The following BRD1 variants were observed in gnomAD, a reference collection of about 807,000 sequenced individuals.
BRD1 encodes the protein bromodomain-containing protein 1.
Under a neutral mutation model 107.7 loss-of-function variants are expected in BRD1, and 24 were observed. The ratio of observed to expected loss-of-function variants is 0.22; its 90% CI spans 0.16 to 0.31. BRD1 has a LOEUF of 0.31. BRD1 is among the 10% of genes least tolerant of loss of function. The pLI is 1.00. For missense variants in BRD1, 1,279 were observed against 1,638.6 expected, an observed-to-expected ratio of 0.78 and a Z score of 3.79; for synonymous variants, 744 against 686.1, an observed-to-expected ratio of 1.08 and a Z score of -1.32.
intron 6 of BRD1, among the ~76,000 whole-genome samples, chr22:49,795,159 G>A (rs1457898436): frequency 6.6e-6 from 1 of 152,168 alleles, no homozygotes; most frequent in South Asian, 2.1e-4. Flanking sequence ...ACATCACTCT[G>A]AACAAATGTC....
intron 2 of BRD1, among the ~76,000 whole-genome samples, chr22:49,822,470 A>G (rs1360995128): frequency 2.7e-5 from 4 of 150,742 alleles, no homozygotes; most frequent in Non-Finnish European, 4.4e-5. Context: ...CACTTTGGGA[A>G]GCCAAGGCGG....
chr22:49,778,213 C>T (rs1445916117), intron 8 of BRD1, among the ~76,000 whole-genome samples: 4 of 152,144 alleles, frequency 2.6e-5, no homozygotes, highest in Admixed American at 1.3e-4. Flanking sequence ...CGCGTTTGAA[C>T]GGAAACTTCA....
chr22:49,774,939 C>A (rs1017686474), intron 12 of BRD1, among the ~76,000 whole-genome samples: 2 of 152,252 alleles, frequency 1.3e-5, no homozygotes, highest in African/African-American at 2.4e-5. Flanking sequence ...AGCCCCTGCG[C>A]CAGGTCCCAA....
chr22:49,788,465 C>T (rs1268253753), intron 7 of BRD1, among the ~76,000 whole-genome samples: 1 of 152,120 alleles, frequency 6.6e-6, no homozygotes, highest in Non-Finnish European at 1.5e-5. Flanking sequence ...AAGTCCGTGC[C>T]ACGTTCCCAA....
At chr22:49,788,757 A>G (rs944759896) in intron 7 of BRD1, among the ~76,000 whole-genome samples, 1 of 152,198 alleles carries the variant, frequency 6.6e-6, no homozygotes, top group Non-Finnish European at 1.5e-5. Context: ...CTTCCTTCCA[A>G]GCAGGACCGG....
chr22:49,775,905 G>C (rs1245703970), intron 11 of BRD1, 145 bp downstream of exon 11: 1 of 1,153,214 alleles, frequency 8.7e-7, no homozygotes, highest in Non-Finnish European at 1.2e-6. Flanking sequence ...CCTTCCAGCT[G>C]TGTGAACCTC....
At chr22:49,786,849 A>C (rs138834) in intron 8 of BRD1, among the ~76,000 whole-genome samples, 33,451 of 152,024 alleles carry the variant, frequency 0.22, 4,099 homozygotes, top group South Asian at 0.34. Flanking sequence ...AGCGGCTCAC[A>C]CATCTAATCC....
In BRD1 at chr22:49,824,937, C is replaced by T. The variant is rs1051560237; in HGVS notation, c.-14-606G>A. On this transcript the variant is annotated intron_variant, in intron 1 of 12. Coordinates refer to ENST00000404760, the MANE Select transcript of BRD1 (RefSeq NM_001304808.3). This position sits in a 1 kb window ranked among gnomAD's most constrained non-coding sequence, Gnocchi z 5.9. ...AGACAGATCACAGCCTGTCCATCCT[C>T]TATAGACAGGCCCTCCACACGCACA... 8.6e-6 allele frequency: 4 copies of T among 464,064 alleles called. No homozygotes were observed. Among genetic ancestry groups the T allele is most frequent in the South Asian group, 1.7e-4 (2 of 11,848 alleles). The allele number at this position is 464,064 out of a possible 1,614,324, so 28.7% of individuals were successfully genotyped here.
chr22:49,789,731 C>A (rs139674253), intron 7 of BRD1, among the ~76,000 whole-genome samples: 1 of 152,210 alleles, frequency 6.6e-6, no homozygotes, highest in Non-Finnish European at 1.5e-5. Context: ...GCACCGTAAA[C>A]CCCCATCTCC....
intron 8 of BRD1, among the ~76,000 whole-genome samples, chr22:49,781,591 G>A (rs2059209466): frequency 6.6e-6 from 1 of 152,200 alleles, no homozygotes; most frequent in African/African-American, 2.4e-5. Context: ...CCACAACACG[G>A]GATACAAGCC....
intron 2 of BRD1, among the ~76,000 whole-genome samples, chr22:49,819,485 C>G (rs1369457609): frequency 6.6e-6 from 1 of 151,830 alleles, no homozygotes; most frequent in Non-Finnish European, 1.5e-5. Context: ...CCCAGGAGGT[C>G]GAGGCTGTAG....
chr22:49,774,010 C>T lies in BRD1; in HGVS notation c.*223G>A, dbSNP rs1015111983. 4 of 476,762 alleles carry T rather than the reference C, an allele frequency of 8.4e-6. No individual in the cohort carries two copies. Among genetic ancestry groups the T allele is most frequent in the South Asian group, 4.1e-5 (1 of 24,224 alleles). 29.5% of individuals were successfully genotyped at this position (476,762 alleles called of 1,614,324 possible). Reference sequence around the variant, plus strand: ...TGACGCCAGCAGCACGGCCTGGGGACGTGCGACAGACGCACTGGGCTGCCC... The same window carrying T: ...TGACGCCAGCAGCACGGCCTGGGGATGTGCGACAGACGCACTGGGCTGCCC... On this transcript the variant is annotated 3_prime_UTR_variant, in exon 13 of 13. Transcript: ENST00000404760.
In BRD1 at chr22:49,798,542, C is replaced by G. The variant is rs779399270; in HGVS notation, c.1785+16G>C. The G allele has an allele frequency of 7.4e-6, 12 of 1,613,964 alleles. No individual in the cohort carries two copies. The Admixed American group carries it at 2.0e-4, about 27-fold the overall frequency. On this transcript the variant is annotated intron_variant, in intron 5 of 12. Transcript: ENST00000404760. ...TCACACATGCGGCAGGACAGACGAG[C>G]GCCGCAAACACCCACCTCCTTCAGA...
At chr22:49,786,446 T>C (rs1034443140) in intron 8 of BRD1, among the ~76,000 whole-genome samples, 1 of 152,202 alleles carries the variant, frequency 6.6e-6, no homozygotes, top group African/African-American at 2.4e-5. Flanking sequence ...CACCGAGGAA[T>C]TCAACAGAGT....
intron 2 of BRD1, among the ~76,000 whole-genome samples, chr22:49,811,131 GAACA>G (rs2059841432): frequency 6.6e-6 from 1 of 151,642 alleles, no homozygotes; most frequent in African/African-American, 2.4e-5. Flanking sequence ...CTCAGTGAAA[GAACA>G]AAAAAAACAC....
chr22:49,802,673 C>G (rs146516746), intron 3 of BRD1, among the ~76,000 whole-genome samples: 7,261 of 139,086 alleles, frequency 0.052, 294 homozygotes, highest in South Asian at 0.1. Context: ...TGCCTCCACT[C>G]TCTTCCTTTC....
At chr22:49,812,277 T>C (rs1449450279) in intron 2 of BRD1, among the ~76,000 whole-genome samples, 2 of 152,110 alleles carry the variant, frequency 1.3e-5, no homozygotes, top group Admixed American at 1.3e-4. Context: ...TCTTACAACA[T>C]GTTGTATCCA....
intron 2 of BRD1, among the ~76,000 whole-genome samples, chr22:49,811,665 A>C (rs1217913101): frequency 1.3e-5 from 2 of 152,210 alleles, no homozygotes; most frequent in African/African-American, 2.4e-5. Context: ...TTACTGCTGG[A>C]ATTTCCCATT....
chr22:49,805,877 G>A (rs540544790), intron 2 of BRD1: 1 of 152,144 alleles, frequency 6.6e-6, no homozygotes, highest in Non-Finnish European at 1.5e-5. Flanking sequence ...TAGTAGCTGG[G>A]ACTACAGGCG....
Sources: allele counts gnomAD v4.1 joint callset (sites outside exome capture counted in the v4.1 genomes callset), GRCh38; gene constraint gnomAD v4.1.1; non-coding constraint Gnocchi (gnomAD v3.1); transcripts MANE v1.5; gene names NCBI Gene and HGNC (gene_info 2026-07-23, HGNC 2026-07-21).